The following WFDC8 variants were observed in gnomAD, a reference collection of about 807,000 sequenced individuals.
The protein encoded by WFDC8 is WAP four-disulfide core domain protein 8.
In WFDC8, 24 loss-of-function variants were observed where a neutral mutation model predicts 27.0. That is an observed-to-expected ratio of 0.89 (90% CI 0.64 to 1.25). The LOEUF is 1.25. WFDC8 is among the 50% of genes most tolerant of loss of function. The pLI is 0.00. For synonymous variants in WFDC8, 106 were observed against 99.7 expected (o/e 1.06, Z -0.38); for missense variants, 287 against 295.9 (o/e 0.97, Z 0.22).
At chr20:45,565,050 AG>A (rs11335816) in intron 1 of WFDC8, among the ~76,000 whole-genome samples, 49,340 of 146,344 alleles carry the variant, frequency 0.34, 9,037 homozygotes, top group Non-Finnish European at 0.42. Flanking sequence ...AAAGGAAGGA[AG>A]GAAGAAGAGA....
chr20:45,555,093 T>C (rs1980190624), intron 4 of WFDC8, among the ~76,000 whole-genome samples: 1 of 152,134 alleles, frequency 6.6e-6, no homozygotes, highest in South Asian at 2.1e-4. Flanking sequence ...TTGCTGTGAC[T>C]CCAGAATTAC....
intron 3 of WFDC8, among the ~76,000 whole-genome samples, chr20:45,558,431 G>T (rs6017617): frequency 0.018 from 2,747 of 152,264 alleles, 78 homozygotes; most frequent in African/African-American, 0.056. Flanking sequence ...GTGAATAAAT[G>T]AATCTTTTTA....
At chr20:45,560,377 G>A (rs769221387) in intron 2 of WFDC8, among the ~76,000 whole-genome samples, 1 of 152,144 alleles carries the variant, frequency 6.6e-6, no homozygotes, top group Non-Finnish European at 1.5e-5. Context: ...TTTCAATCTT[G>A]GCCTGGTAAG....
At chr20:45,561,739 C>CGTGT (rs10534885) in intron 2 of WFDC8, among the ~76,000 whole-genome samples, 4,626 of 147,766 alleles carry the variant, frequency 0.031, 83 homozygotes, top group East Asian at 0.069. Context: ...ATTAAACTTG[C>CGTGT]GTGTGTGTGT....
chr20:45,552,968 G>A (rs1226568704), intron 5 of WFDC8, among the ~76,000 whole-genome samples, 168 bp downstream of exon 5: 4 of 152,178 alleles, frequency 2.6e-5, no homozygotes, highest in African/African-American at 9.7e-5. Context: ...AGTCTTCAGA[G>A]GTCAAGAGGT....
intron 1 of WFDC8, among the ~76,000 whole-genome samples, chr20:45,573,706 G>A (rs576141563): frequency 2.0e-5 from 3 of 152,136 alleles, no homozygotes; most frequent in African/African-American, 7.2e-5. Context: ...TTTTTGCATG[G>A]TGTGCAATAA....
At chr20:45,562,593 T>A (rs1980513730) in intron 1 of WFDC8, among the ~76,000 whole-genome samples, 1 of 152,178 alleles carries the variant, frequency 6.6e-6, no homozygotes, top group African/African-American at 2.4e-5. Flanking sequence ...CTAGTGAGCA[T>A]CTTTTCTTTG....
At chr20:45,568,275 C>A (rs576481855) in intron 1 of WFDC8, 582 of 237,504 alleles carry the variant, frequency 2.5e-3, no homozygotes, top group Non-Finnish European at 4.4e-3. Context: ...TGTTTCATAG[C>A]CTAAGCCTGT....
chr20:45,566,959 G>A (rs192615234), intron 1 of WFDC8, among the ~76,000 whole-genome samples: 15 of 152,090 alleles, frequency 9.9e-5, no homozygotes, highest in Admixed American at 3.3e-4. Flanking sequence ...TAGATTGGTA[G>A]GTATTTAATA....
At chr20:45,561,167 A>T (rs1980453836) in intron 2 of WFDC8, among the ~76,000 whole-genome samples, 1 of 152,104 alleles carries the variant, frequency 6.6e-6, no homozygotes, top group Admixed American at 6.5e-5. Flanking sequence ...AGCATACCTC[A>T]TGGGTTTCTC....
chr20:45,562,025 C>T, intron 2 of WFDC8, 85 bp downstream of exon 2: 1 of 1,282,122 alleles, frequency 7.8e-7, no homozygotes. Context: ...GGGGCCTCAT[C>T]TGACACTGGC....
chr20:45,564,760 T>A (rs1227869817), intron 1 of WFDC8, among the ~76,000 whole-genome samples: 1 of 151,344 alleles, frequency 6.6e-6, no homozygotes, highest in Non-Finnish European at 1.5e-5. Flanking sequence ...GAGAATCACT[T>A]GAGCCCAGGA....
chr20:45,558,945 G>A lies in WFDC8; in HGVS notation c.184C>T (p.Leu62Phe), dbSNP rs766937258. Residue 62 changes from leucine to phenylalanine, a missense_variant, in exon 3 of 6, where the codon CTT (leucine) becomes TTT (phenylalanine). Transcript: ENST00000289953. ...PKERLTCTTE[L>F]PDSCNTDFDC... Reference sequence around the variant, plus strand: ...AAATCTGTGTTACATGAGTCCGGAAGTTCAGTGGTACAGGTGAGCCTCTCT... The same window carrying A: ...AAATCTGTGTTACATGAGTCCGGAAATTCAGTGGTACAGGTGAGCCTCTCT... 1 of 1,614,216 alleles carries A rather than the reference G, an allele frequency of 6.2e-7. No individual in the cohort carries two copies. Among genetic ancestry groups the A allele is most frequent in the Non-Finnish European group, 8.5e-7 (1 of 1,180,024 alleles).
At chr20:45,575,920 C>G (rs1279933341) in intron 1 of WFDC8, among the ~76,000 whole-genome samples, 1 of 151,342 alleles carries the variant, frequency 6.6e-6, no homozygotes, top group Non-Finnish European at 1.5e-5. Context: ...ATATGTGCCT[C>G]TAGCCTCAGT....
In WFDC8 at chr20:45,558,840, G is replaced by A; in HGVS notation, c.277+12C>T. The A allele has an allele frequency of 6.2e-7, 1 of 1,614,010 alleles. No homozygotes were observed. The highest frequency in any genetic ancestry group is 8.5e-7 in the Non-Finnish European group (1 of 1,179,942). ...AGTGGGGAACCTCTGTCCTCAGCCT[G>A]GACATCGCTACCTTGAAAGGGATCC... On this transcript the variant is annotated intron_variant, in intron 3 of 5. Transcript: ENST00000289953.
chr20:45,576,948 C>T (rs1981066588), intron 1 of WFDC8, among the ~76,000 whole-genome samples: 1 of 151,300 alleles, frequency 6.6e-6, no homozygotes, highest in Admixed American at 6.6e-5. Flanking sequence ...TACTCTCAGT[C>T]CTCATTATTC....
intron 3 of WFDC8, among the ~76,000 whole-genome samples, chr20:45,557,352 T>C (rs1223268933): frequency 6.6e-6 from 1 of 152,222 alleles, no homozygotes; most frequent in Non-Finnish European, 1.5e-5. Flanking sequence ...ATAAACGAAC[T>C]TATTTCTCTT....
intron 1 of WFDC8, among the ~76,000 whole-genome samples, chr20:45,570,754 A>G (rs1980838784): frequency 1.3e-5 from 2 of 152,194 alleles, no homozygotes; most frequent in African/African-American, 4.8e-5. Context: ...TCACAGTACC[A>G]TTTTGCATTT....
intron 2 of WFDC8, among the ~76,000 whole-genome samples, chr20:45,560,291 G>T (rs914149655): frequency 2.0e-5 from 3 of 152,166 alleles, no homozygotes; most frequent in African/African-American, 7.2e-5. Context: ...CAACTCCAAG[G>T]AAATGACTCT....
Sources: gnomAD v4.1 joint callset for allele counts (sites outside exome capture counted in the v4.1 genomes callset) on GRCh38, gnomAD v4.1.1 for gene constraint, MANE v1.5 for transcripts, NCBI Gene and HGNC (gene_info 2026-07-23, HGNC 2026-07-21) for gene names.